The following ARSD variants were observed in gnomAD, a reference collection of about 807,000 sequenced individuals.
The protein encoded by ARSD is arylsulfatase D, also known as testis tissue sperm-binding protein Li 39a.
A neutral mutation model predicts 32.6 loss-of-function variants in ARSD; 21 were observed. That is an observed-to-expected ratio of 0.64 (90% confidence interval 0.46 to 0.93). The LOEUF is 0.93. Among genes scored for constraint, ARSD ranks in the 40% least tolerant of loss-of-function variants. The pLI, the probability that ARSD is intolerant of heterozygous loss-of-function variation, is 0.00. For missense variants in ARSD, 454 were observed against 520.9 expected (o/e 0.87, Z 1.25); for synonymous variants, 224 against 237.4 (o/e 0.94, Z 0.52).
intron 5 of ARSD, among the ~76,000 whole-genome samples, chrX:2,917,223 A>G (rs1307929438): frequency 9.0e-6 from 1 of 110,591 alleles, no homozygotes; most frequent in Non-Finnish European, 1.9e-5. Context: ...CCATCTCTAC[A>G]AAGAATGCAA....
chrX:2,922,213 A>ATCTCTCTC (rs776777408), intron 2 of ARSD, among the ~76,000 whole-genome samples, 189 bp from the exon 3 acceptor site: 3 of 105,782 alleles, frequency 2.8e-5, no homozygotes, highest in East Asian at 3.0e-4. Context: ...GATGGATGAC[A>ATCTCTCTC]TCTCTCTCTC....
chrX:2,928,032 ATTCT>A (rs1425020306), intron 1 of ARSD, among the ~76,000 whole-genome samples: 2 of 111,410 alleles, frequency 1.8e-5, no homozygotes, highest in Admixed American at 9.5e-5. Flanking sequence ...TTGTTGCTTC[ATTCT>A]TTCTTTGCTG....
chrX:2,922,842 C>CAAAAAAA (rs60380048), intron 2 of ARSD, among the ~76,000 whole-genome samples: 11 of 43,726 alleles, frequency 2.5e-4, no homozygotes, highest in Non-Finnish European at 3.1e-4. Context: ...GACCGTGTCT[C>CAAAAAAA]AAAAAAAAAA....
chrX:2,922,882 AAAAGAAAGAAAG>A (rs367780183), intron 2 of ARSD, among the ~76,000 whole-genome samples: 10 of 101,231 alleles, frequency 9.9e-5, no homozygotes, highest in African/African-American at 1.6e-4. Flanking sequence ...GAAAGAAAAG[AAAAGAAAGAAAG>A]AAAGAAAGAA....
intron 9 of ARSD, 29 bp from the exon 10 acceptor site, chrX:2,907,661 T>C (rs1467924038): frequency 1.8e-6 from 2 of 1,093,318 alleles, no homozygotes; most frequent in African/African-American, 3.8e-5. Flanking sequence ...GGAGTCAGGG[T>C]GGCAGAAATC....
In ARSD at chrX:2,918,217, G is replaced by T; in HGVS notation, c.450C>A (p.His150Gln). The T allele has an allele frequency of 8.7e-7, 1 of 1,155,180 alleles. No individual in the cohort carries two copies. The highest frequency in any genetic ancestry group is 2.0e-5 in the South Asian group (1 of 48,807). The change falls in exon 5 of 10, where the codon CAC (histidine) becomes CAA (glutamine). Residue 150 changes from histidine (H) to glutamine (Q), a missense_variant. Physicochemically the swap from His to Gln is conservative, Grantham distance 24. Coordinates refer to ENST00000381154, the MANE Select transcript of ARSD (RefSeq NM_001669.4). ...CGCGGGATGCACAATTCACACCCTG[G>T]TGCCATTTTCCTAAAAGAAACGCAA... ...GYATGLIGKW[H>Q]QGVNCASRGD...
At chrX:2,925,938 C>G (rs1189683004) in intron 1 of ARSD, among the ~76,000 whole-genome samples, 173 bp from the exon 2 acceptor site, 1 of 111,478 alleles carries the variant, frequency 9.0e-6, no homozygotes, top group Non-Finnish European at 1.9e-5. Flanking sequence ...CTGGGCCAAA[C>G]CGAGGGTCAG....
intron 3 of ARSD, among the ~76,000 whole-genome samples, chrX:2,921,373 T>C (rs758300397): frequency 8.9e-6 from 1 of 112,059 alleles, no homozygotes; most frequent in African/African-American, 3.2e-5. Context: ...CATCATTATC[T>C]ATCATCTATC....
At position 2,920,588 on chromosome X, in the gene ARSD, C is replaced by T; in HGVS notation, c.439+13G>A. On this transcript the variant is annotated intron_variant, in intron 4 of 9. Coordinates refer to ENST00000381154, the MANE Select transcript of ARSD (RefSeq NM_001669.4). ...CAACCACCGTATAATGTGAGGCTCC[C>T]ACATATCCACACCTATGAGGCCGGT... The T allele has an allele frequency of 6.6e-6, 8 of 1,211,299 alleles. No individual in the cohort carries two copies. The highest frequency in any genetic ancestry group is 8.9e-6 in the Non-Finnish European group (8 of 895,368).
In ARSD at chrX:2,907,212, G is replaced by A; in HGVS notation, c.*59C>T. 1 of 1,099,913 alleles carries A rather than the reference G, an allele frequency of 9.1e-7. No individual in the cohort carries two copies. Among genetic ancestry groups the A allele is most frequent in the Admixed American group, 2.5e-5 (1 of 40,099 alleles). 90.6% of individuals were successfully genotyped at this position (1,099,913 alleles called of 1,213,427 possible). On this transcript the variant is annotated 3_prime_UTR_variant, in exon 10 of 10. Transcript: ENST00000381154. ...GAAGCTGAAGATAGAACCAAGCTTG[G>A]AGAATTTTGTTTGCAACGCAGTCAG...
chrX:2,918,029 G>T lies in ARSD; in HGVS notation c.638C>A (p.Thr213Asn), dbSNP rs774731491. The T allele has an allele frequency of 1.7e-6, 2 of 1,205,677 alleles. No homozygotes were observed. Among genetic ancestry groups the T allele is most frequent in the Admixed American group, 4.4e-5 (2 of 45,230 alleles). ...ACCGCAGGTCTGGCCGGCAGCCAGG[G>T]TGAGAATCCCCAGCGCCAGGAACTG... The part of the protein sequence containing the change: ...YTQFLALGIL[T>N]LAAGQTCGFF... The change falls in exon 5 of 10, where the codon ACC becomes AAC. Residue 213 changes from threonine to asparagine, a missense_variant. This residue lies in a region of ARSD where 271 missense variants were observed against 301.0 expected (regional missense o/e 0.90). Coordinates refer to ENST00000381154, the MANE Select transcript of ARSD (RefSeq NM_001669.4).
intron 3 of ARSD, 72 bp downstream of exon 3, chrX:2,921,831 C>A: frequency 8.8e-7 from 1 of 1,134,405 alleles, no homozygotes; most frequent in Non-Finnish European, 1.2e-6. Context: ...ACCATCAGTA[C>A]TCAACTGTTA....
At chrX:2,914,581 C>G (rs1182596636) in intron 6 of ARSD, 1 of 1,017,542 alleles carries the variant, frequency 9.8e-7, no homozygotes, top group Non-Finnish European at 1.3e-6. Flanking sequence ...TATCACGATG[C>G]TTGTCTCAGG....
At position 2,909,845 on chromosome X, in the gene ARSD, G is replaced by A; in HGVS notation, c.1270C>T (p.Leu424=). 1 of 1,209,274 alleles carries A rather than the reference G, an allele frequency of 8.3e-7. No individual in the cohort carries two copies. Among genetic ancestry groups the A allele is most frequent in the Non-Finnish European group, 1.1e-6 (1 of 894,294 alleles). Residue 424 remains leucine, a synonymous_variant, in exon 8 of 10, where the codon CTG becomes TTG. Coordinates refer to ENST00000381154, the MANE Select transcript of ARSD (RefSeq NM_001669.4). ...TCCTGGGGCACCTCGCCACCCACCAGCTGGACCACAGTAGGGAACACGTCC... is the reference window on the plus strand; with the variant it reads ...TCCTGGGGCACCTCGCCACCCACCAACTGGACCACAGTAGGGAACACGTCC... ...LMDVFPTVVQ[L]VGGEVPQDRV...
At chrX:2,913,882 G>A (rs2088924974) in intron 6 of ARSD, 1 of 365,851 alleles carries the variant, frequency 2.7e-6, no homozygotes, top group African/African-American at 2.8e-5. Flanking sequence ...TGGTGCTGCG[G>A]AGGGAGTAGC....
intron 7 of ARSD, 140 bp from the exon 8 acceptor site, chrX:2,910,119 C>T: frequency 1.3e-6 from 1 of 757,412 alleles, no homozygotes. Context: ...CTCAGCTTCC[C>T]AAAAACAGCC....
chrX:2,923,250 G>C, intron 2 of ARSD: 1 of 245,197 alleles, frequency 4.1e-6, no homozygotes, highest in Non-Finnish European at 7.9e-6. Context: ...AAGGTGGGTG[G>C]ATCACTTGAG....
At position 2,910,794 on chromosome X, in the gene ARSD, C is replaced by T. The variant is rs752032415; in HGVS notation, c.1001-1G>A. The T allele has an allele frequency of 5.8e-6, 7 of 1,205,796 alleles. No individual in the cohort carries two copies. The South Asian group carries it at 1.3e-4, about 22-fold the overall frequency. On this transcript the variant is annotated splice_acceptor_variant, in intron 6 of 9. Coordinates refer to ENST00000381154, the MANE Select transcript of ARSD (RefSeq NM_001669.4). LOFTEE classifies it high-confidence loss of function. ...TCTTCGATGGCATTAAGAACCTTACCTTTACAGAAAATGGAAAGTTTCAGG... is the reference window on the plus strand; with the variant it reads ...TCTTCGATGGCATTAAGAACCTTACTTTTACAGAAAATGGAAAGTTTCAGG...
At chrX:2,911,209 C>T (rs905382826) in intron 6 of ARSD, among the ~76,000 whole-genome samples, 2 of 111,119 alleles carry the variant, frequency 1.8e-5, no homozygotes, top group South Asian at 3.8e-4. Flanking sequence ...TCATCTCTAC[C>T]AAAAACACAA....
Sources: gnomAD v4.1 joint callset for allele counts (sites outside exome capture counted in the v4.1 genomes callset) on GRCh38, gnomAD v4.1.1 for gene constraint, gnomAD v4.1.1 regional missense constraint, MANE v1.5 for transcripts, NCBI Gene and HGNC (gene_info 2026-07-23, HGNC 2026-07-21) for gene names.